The following GPM6A variants were observed in gnomAD, a reference collection of about 807,000 sequenced individuals.
GPM6A encodes neuronal membrane glycoprotein M6-a.
In GPM6A, 7 loss-of-function variants were observed where a neutral mutation model predicts 32.1. That is an observed-to-expected ratio of 0.22 (90% confidence interval 0.12 to 0.41). The LOEUF (loss-of-function observed/expected upper bound fraction) is 0.41. GPM6A is among the 10% of genes least tolerant of loss of function. GPM6A has a pLI of 1.00. For synonymous variants in GPM6A, 130 were observed against 123.4 expected (o/e 1.05, Z -0.35); for missense variants, 235 against 347.2 (o/e 0.68, Z 2.57).
chr4:175,883,294 C>A (rs1210714544), intron 1 of GPM6A, among the ~76,000 whole-genome samples: 2 of 151,872 alleles, frequency 1.3e-5, no homozygotes, highest in Non-Finnish European at 2.9e-5. Context: ...ATAATGTGAG[C>A]CATATATGTA....
chr4:175,664,436 G>A (rs1053442326), intron 3 of GPM6A, among the ~76,000 whole-genome samples: 5 of 152,130 alleles, frequency 3.3e-5, no homozygotes, highest in African/African-American at 1.2e-4. Context: ...ACATATGTAA[G>A]AAAAAGGAGT....
intron 1 of GPM6A, among the ~76,000 whole-genome samples, chr4:175,924,893 T>A (rs1008485589): frequency 3.3e-5 from 5 of 151,954 alleles, no homozygotes; most frequent in Admixed American, 2.0e-4. Context: ...CTACAGTGGT[T>A]TTGTCATTTA....
At chr4:175,691,747 C>G (rs1019147768) in intron 2 of GPM6A, among the ~76,000 whole-genome samples, 2 of 151,890 alleles carry the variant, frequency 1.3e-5, no homozygotes, top group African/African-American at 4.8e-5. Context: ...ATCTCATATG[C>G]CAAAAAGGAT....
chr4:175,811,422 G>A (rs1041500091), intron 1 of GPM6A, among the ~76,000 whole-genome samples: 3 of 152,086 alleles, frequency 2.0e-5, no homozygotes, highest in East Asian at 3.9e-4. Flanking sequence ...GCTACCATTT[G>A]ACACGTTAAA....
intron 1 of GPM6A, chr4:175,962,018 T>C (rs965699360): frequency 1.7e-5 from 10 of 599,840 alleles, no homozygotes; most frequent in Non-Finnish European, 3.1e-5. Flanking sequence ...CAACTGAAAA[T>C]GTTCACGTCT....
intron 1 of GPM6A, chr4:175,891,784 T>C (rs1737657148): frequency 6.6e-6 from 1 of 152,240 alleles, no homozygotes; most frequent in African/African-American, 2.4e-5. Flanking sequence ...ACCAAATTTA[T>C]ACTTGGAATA....
chr4:175,691,643 G>T (rs903552076), intron 2 of GPM6A, among the ~76,000 whole-genome samples: 2 of 152,006 alleles, frequency 1.3e-5, no homozygotes, highest in Admixed American at 6.6e-5. Context: ...TATCATGATC[G>T]ATTTTACCAA....
At chr4:175,923,427 C>A (rs1006158977) in intron 1 of GPM6A, among the ~76,000 whole-genome samples, 14 of 150,376 alleles carry the variant, frequency 9.3e-5, no homozygotes, top group Non-Finnish European at 2.1e-4. Context: ...CAAGCATATA[C>A]CTGCCTCATC....
intron 1 of GPM6A, among the ~76,000 whole-genome samples, chr4:175,746,537 T>C (rs774978260): frequency 3.3e-5 from 5 of 152,166 alleles, no homozygotes; most frequent in Non-Finnish European, 7.3e-5. Context: ...CATTTGGAAT[T>C]CTTATAGGTA....
intron 1 of GPM6A, among the ~76,000 whole-genome samples, chr4:175,924,226 T>C (rs1579631468): frequency 6.6e-6 from 1 of 152,262 alleles, no homozygotes; most frequent in East Asian, 1.9e-4. Context: ...ATTGCTGACG[T>C]TCGCCAAATG....
At chr4:175,678,484 A>G (rs115709189) in intron 2 of GPM6A, among the ~76,000 whole-genome samples, 1,816 of 152,298 alleles carry the variant, frequency 0.012, 45 homozygotes, top group African/African-American at 0.041. Context: ...TTATGCTGAT[A>G]GAAATCTAGA....
chr4:175,900,596 G>A (rs894046958), intron 1 of GPM6A, among the ~76,000 whole-genome samples: 1 of 152,130 alleles, frequency 6.6e-6, no homozygotes, highest in Admixed American at 6.6e-5. Context: ...AGTTAAAATG[G>A]CTTTTATCCA....
intron 1 of GPM6A, chr4:175,891,552 T>C (rs1406971708): frequency 6.6e-6 from 1 of 152,210 alleles, no homozygotes; most frequent in Non-Finnish European, 1.5e-5. Context: ...TTCTCCATCA[T>C]CGAAATGTAC....
intron 1 of GPM6A, among the ~76,000 whole-genome samples, chr4:175,758,084 T>C (rs1229011275): frequency 2.0e-5 from 3 of 152,170 alleles, no homozygotes; most frequent in Non-Finnish European, 4.4e-5. Context: ...CTGCCAGTTG[T>C]GGCCCTTCAC....
intron 1 of GPM6A, among the ~76,000 whole-genome samples, chr4:175,711,606 C>T (rs1436857903): frequency 6.7e-6 from 1 of 148,998 alleles, no homozygotes; most frequent in Non-Finnish European, 1.5e-5. Context: ...TTTCTTTTTA[C>T]CTAAAATAGG....
chr4:175,694,700 G>A (rs971261401), intron 2 of GPM6A, among the ~76,000 whole-genome samples: 1 of 152,224 alleles, frequency 6.6e-6, no homozygotes, highest in African/African-American at 2.4e-5. Flanking sequence ...GCCTAGCCAT[G>A]TGGTAGAAAA....
intron 3 of GPM6A, among the ~76,000 whole-genome samples, chr4:175,654,027 G>C (rs1040634938): frequency 6.6e-6 from 1 of 152,036 alleles, no homozygotes; most frequent in Non-Finnish European, 1.5e-5. Flanking sequence ...AGGCACCCAG[G>C]CTAAGTGACA....
intron 1 of GPM6A, among the ~76,000 whole-genome samples, chr4:175,990,643 G>A (rs991280554): frequency 7.0e-6 from 1 of 142,000 alleles, no homozygotes. Context: ...GGGTGAAGTA[G>A]TTTTTTTTTT....
rs779978813 is a variant in GPM6A, at chr4:175,785,711, A to T, written c.37+26480T>A. 8.3e-4 allele frequency among the ~76,000 whole-genome samples: 127 copies of T among 152,354 alleles called. 1 individual carries two copies. The highest frequency in any genetic ancestry group is 1.4e-3 in the Non-Finnish European group (94 of 68,038). On this transcript the variant is annotated intron_variant, in intron 1 of 6. Coordinates refer to ENST00000393658, the MANE Select transcript of GPM6A (RefSeq NM_201591.3). ...CATTAGAATAATTCTACTAAAAGAC[A>T]TATGCCAGAAAATAATCTAGGGTTT...
Sources: allele counts gnomAD v4.1 joint callset (sites outside exome capture counted in the v4.1 genomes callset), GRCh38; gene constraint gnomAD v4.1.1; transcripts MANE v1.5; gene names NCBI Gene and HGNC (gene_info 2026-07-23, HGNC 2026-07-21).